Variants in SCFD2 observed in about 807,000 individuals in gnomAD.
SCFD2 encodes the protein sec1 family domain containing 2.
SCFD2 carries 54 observed loss-of-function variants against 58.9 expected under a neutral mutation model. That is an observed-to-expected ratio of 0.92 (90% CI 0.74 to 1.15). The LOEUF is 1.15. Among genes scored for constraint, SCFD2 ranks in the 50% most tolerant of loss-of-function variants. The pLI is 0.00. For synonymous variants in SCFD2, 321 were observed against 335.9 expected, an observed-to-expected ratio of 0.96 and a Z score of 0.49; for missense variants, 805 against 836.6, an observed-to-expected ratio of 0.96 and a Z score of 0.47.
At position 53,365,708 on chromosome 4, in the gene SCFD2, G is replaced by A. The variant is rs776509012; in HGVS notation, c.234C>T (p.Ser78=). 1 of 1,614,232 alleles carries A rather than the reference G, an allele frequency of 6.2e-7. No individual in the cohort carries two copies. The highest frequency in any genetic ancestry group is 8.5e-7 in the Non-Finnish European group (1 of 1,180,038). The change falls in exon 1 of 9, where the codon AGC becomes AGT. Residue 78 remains serine, a synonymous_variant. Transcript: ENST00000401642. The surrounding 1 kb of genome is among the most constrained non-coding windows in gnomAD (Gnocchi z 4.3). The part of the protein sequence containing the change: ...AKQPKAVFVL[S]CLLKGRTVEI... Reference sequence around the variant, plus strand: ...CCACGGTCCGGCCTTTCAGCAGGCAGCTCAGCACAAACACTGCCTTGGGCT... The same window carrying A: ...CCACGGTCCGGCCTTTCAGCAGGCAACTCAGCACAAACACTGCCTTGGGCT...
intron 4 of SCFD2, among the ~76,000 whole-genome samples, chr4:53,191,604 A>G (rs1430815557): frequency 6.6e-6 from 1 of 151,954 alleles, no homozygotes; most frequent in Non-Finnish European, 1.5e-5. Flanking sequence ...AAGGGGTTTC[A>G]CCATCTTGGC....
At chr4:53,080,503 A>AT (rs1308650258) in intron 5 of SCFD2, among the ~76,000 whole-genome samples, 1 of 152,196 alleles carries the variant, frequency 6.6e-6, no homozygotes, top group Non-Finnish European at 1.5e-5. Context: ...TAGAAACAGG[A>AT]TTTTTAAAAT....
chr4:53,313,741 A>G lies in SCFD2; in HGVS notation c.1030T>C (p.Trp344Arg). The change falls in exon 3 of 9, where the codon TGG (tryptophan) becomes CGG (arginine). Residue 344 changes from tryptophan (W) to arginine (R), a missense_variant. Trp to Arg is a moderately radical substitution (Grantham distance 101, BLOSUM62 -3). Transcript: ENST00000401642. ...TGCTTAGTGTTCAGTAAAGCTTCCC[A>G]TAGGGCTTTGGCTGTGGTGTCACTG... The part of the protein sequence containing the change: ...QSSDTTAKAL[W>R]EALLNTKHKE... 2 of 1,614,040 alleles carry G rather than the reference A, an allele frequency of 1.2e-6. No individual in the cohort carries two copies. Among genetic ancestry groups the G allele is most frequent in the South Asian group, 1.1e-5 (1 of 91,082 alleles).
intron 7 of SCFD2, among the ~76,000 whole-genome samples, chr4:52,898,181 T>C (rs1719077231): frequency 6.6e-6 from 1 of 152,210 alleles, no homozygotes; most frequent in South Asian, 2.1e-4. Flanking sequence ...TAGTTATTTC[T>C]TGCCTTCTGC....
At chr4:53,193,986 G>A (rs1351809510) in intron 4 of SCFD2, among the ~76,000 whole-genome samples, 1 of 152,128 alleles carries the variant, frequency 6.6e-6, no homozygotes, top group Non-Finnish European at 1.5e-5. Context: ...TCATAAAATA[G>A]AGTGCTATAA....
chr4:53,066,068 C>T (rs1723654671), intron 5 of SCFD2, among the ~76,000 whole-genome samples: 1 of 152,062 alleles, frequency 6.6e-6, no homozygotes, highest in South Asian at 2.1e-4. Context: ...CCCCTAACAT[C>T]AGGAGACTTA....
chr4:53,166,569 A>G (rs1245188851), intron 4 of SCFD2, among the ~76,000 whole-genome samples: 1 of 152,202 alleles, frequency 6.6e-6, no homozygotes, highest in Non-Finnish European at 1.5e-5. Flanking sequence ...AAAAAAAGTG[A>G]GACAAACATA....
At chr4:53,342,229 C>G (rs1577987035) in intron 2 of SCFD2, among the ~76,000 whole-genome samples, 1 of 152,242 alleles carries the variant, frequency 6.6e-6, no homozygotes, top group East Asian at 1.9e-4. Flanking sequence ...CGTGCAGAGA[C>G]ACACACAGGC....
intron 4 of SCFD2, among the ~76,000 whole-genome samples, chr4:53,218,474 T>C (rs150436991): frequency 0.018 from 2,768 of 152,314 alleles, 89 homozygotes; most frequent in African/African-American, 0.063. Flanking sequence ...GGTTCTCATG[T>C]CATGGTTTTC....
chr4:53,011,455 T>C (rs1722092472), intron 5 of SCFD2, among the ~76,000 whole-genome samples: 1 of 152,154 alleles, frequency 6.6e-6, no homozygotes. Flanking sequence ...ACTGAGCAAA[T>C]ATTAAACAAC....
At chr4:53,110,875 G>A (rs764676449) in intron 5 of SCFD2, among the ~76,000 whole-genome samples, 7 of 152,168 alleles carry the variant, frequency 4.6e-5, no homozygotes, top group African/African-American at 1.7e-4. Flanking sequence ...CTATGATAAA[G>A]ACACATGCAC....
intron 4 of SCFD2, among the ~76,000 whole-genome samples, chr4:53,203,548 C>T (rs1259562427): frequency 6.6e-6 from 1 of 151,822 alleles, no homozygotes; most frequent in Non-Finnish European, 1.5e-5. Context: ...TTTTTTTATA[C>T]ATTAATAAAC....
In SCFD2 at chr4:52,874,069, C is replaced by T. The variant is rs2306601; in HGVS notation, c.1963-8G>A. On this transcript the variant is annotated splice_region_variant and splice_polypyrimidine_tract_variant and intron_variant, in intron 8 of 8. Transcript: ENST00000401642. The stretch of plus-strand genomic sequence containing the variant: ...TGTGGACAGCACGATTACCTAACAA[C>T]AGGAGAGGGCAAACACACCGCAGGG... The T allele has an allele frequency of 0.088, 140,073 of 1,598,528 alleles. 7,238 individuals are homozygous for T. Among genetic ancestry groups the T allele is most frequent in the East Asian group, 0.23 (10,273 of 44,784 alleles).
intron 4 of SCFD2, among the ~76,000 whole-genome samples, chr4:53,179,281 A>G (rs1434391799): frequency 1.3e-5 from 2 of 152,254 alleles, no homozygotes; most frequent in African/African-American, 4.8e-5. Context: ...AGGGAAGCCC[A>G]TCAGACTAAC....
chr4:53,135,420 C>T (rs769189050), intron 5 of SCFD2, among the ~76,000 whole-genome samples: 11 of 152,188 alleles, frequency 7.2e-5, no homozygotes, highest in Non-Finnish European at 1.2e-4. Context: ...CAATACCAGA[C>T]TCATGCTTCC....
chr4:53,164,804 A>AAAAGAAG (rs1553882340), intron 4 of SCFD2, among the ~76,000 whole-genome samples: 10 of 143,890 alleles, frequency 6.9e-5, no homozygotes, highest in South Asian at 2.3e-4. Context: ...AAAAAAAAAA[A>AAAAGAAG]AAGAAGAAGA....
At chr4:52,996,812 G>C (rs527289908) in intron 5 of SCFD2, among the ~76,000 whole-genome samples, 3 of 152,176 alleles carry the variant, frequency 2.0e-5, no homozygotes, top group Admixed American at 6.5e-5. Flanking sequence ...TGTGAGGAAG[G>C]AGCAAGGTCA....
chr4:53,214,356 G>T (rs1728733752), intron 4 of SCFD2, among the ~76,000 whole-genome samples: 2 of 152,118 alleles, frequency 1.3e-5, no homozygotes, highest in Admixed American at 1.3e-4. Flanking sequence ...TCTAACTGGT[G>T]TGAGATGGTA....
intron 5 of SCFD2, among the ~76,000 whole-genome samples, chr4:53,120,717 GA>G: frequency 6.6e-6 from 1 of 152,196 alleles, no homozygotes; most frequent in South Asian, 2.1e-4. Flanking sequence ...GCTTGGATGA[GA>G]AAAAGAAAAT....
Sources: allele counts gnomAD v4.1 joint callset (sites outside exome capture counted in the v4.1 genomes callset), GRCh38; gene constraint gnomAD v4.1.1; non-coding constraint Gnocchi (gnomAD v3.1); transcripts MANE v1.5; gene names NCBI Gene and HGNC (gene_info 2026-07-23, HGNC 2026-07-21).